FBXL17: variants seen among roughly 807,000 people sequenced by gnomAD.
FBXL17 encodes the protein F-box/LRR-repeat protein 17.
In FBXL17, 22 loss-of-function variants were observed where a neutral mutation model predicts 66.2. That is an observed-to-expected ratio of 0.33 (90% CI 0.24 to 0.47). The LOEUF (loss-of-function observed/expected upper bound fraction) is 0.47, where lower values mean the gene tolerates loss of function less well. Among genes scored for constraint, FBXL17 ranks in the 20% least tolerant of loss-of-function variants. The pLI is 1.00. For missense variants in FBXL17, 878 were observed against 948.2 expected (o/e 0.93, Z 0.97); for synonymous variants, 474 against 400.5 (o/e 1.18, Z -2.19).
chr5:108,126,659 A>C (rs200728031), intron 6 of FBXL17, among the ~76,000 whole-genome samples: 54,768 of 120,448 alleles, frequency 0.45, 12,218 homozygotes, highest in East Asian at 0.62. Flanking sequence ...CTCTATATAT[A>C]TATACATATA....
intron 4 of FBXL17, among the ~76,000 whole-genome samples, chr5:108,236,036 A>C (rs1289658373): frequency 6.6e-6 from 1 of 152,234 alleles, no homozygotes; most frequent in East Asian, 1.9e-4. Context: ...TTGATTCTTC[A>C]ATATGTCTGA....
intron 3 of FBXL17, among the ~76,000 whole-genome samples, chr5:108,356,181 A>C (rs1747974514): frequency 6.6e-6 from 1 of 152,300 alleles, no homozygotes; most frequent in South Asian, 2.1e-4. Flanking sequence ...ACTCCAAAAA[A>C]ACCTAGAAAT....
chr5:108,265,693 C>T (rs1325900094), intron 4 of FBXL17, among the ~76,000 whole-genome samples: 2 of 152,096 alleles, frequency 1.3e-5, no homozygotes, highest in Non-Finnish European at 2.9e-5. Flanking sequence ...AATATTTAAT[C>T]ATCTTCACAT....
intron 7 of FBXL17, among the ~76,000 whole-genome samples, chr5:108,004,824 T>C (rs763209856): frequency 3.3e-5 from 5 of 152,176 alleles, no homozygotes; most frequent in Admixed American, 1.3e-4. Context: ...GGGAAATACT[T>C]CTAGACAGAA....
intron 7 of FBXL17, among the ~76,000 whole-genome samples, chr5:107,892,118 T>C (rs1438175698): frequency 6.6e-6 from 1 of 152,096 alleles, no homozygotes; most frequent in Non-Finnish European, 1.5e-5. Context: ...TTGAATACTA[T>C]ACTGAAAGGA....
At chr5:108,151,323 C>G (rs1380213103) in intron 6 of FBXL17, among the ~76,000 whole-genome samples, 1 of 152,150 alleles carries the variant, frequency 6.6e-6, no homozygotes, top group East Asian at 1.9e-4. Context: ...TTGAGCCTAT[C>G]AGACTCATTG....
chr5:108,248,545 A>G (rs1198688558), intron 4 of FBXL17, among the ~76,000 whole-genome samples: 1 of 152,194 alleles, frequency 6.6e-6, no homozygotes, highest in Non-Finnish European at 1.5e-5. Flanking sequence ...TATTTAAAGA[A>G]AAAATGGAAG....
intron 5 of FBXL17, among the ~76,000 whole-genome samples, chr5:108,204,820 T>G (rs1366427450): frequency 6.6e-6 from 1 of 151,426 alleles, no homozygotes; most frequent in African/African-American, 2.4e-5. Context: ...AGTTTTTTAA[T>G]CATTATGGAA....
At chr5:108,335,798 A>G (rs963474102) in intron 4 of FBXL17, among the ~76,000 whole-genome samples, 2 of 152,194 alleles carry the variant, frequency 1.3e-5, no homozygotes, top group African/African-American at 4.8e-5. Flanking sequence ...TATTAGAAAA[A>G]TGTGATTGTT....
chr5:108,030,233 C>T (rs1461924840), intron 6 of FBXL17, among the ~76,000 whole-genome samples: 1 of 152,070 alleles, frequency 6.6e-6, no homozygotes, highest in Admixed American at 6.6e-5. Context: ...GATTAGTCAC[C>T]AGTCTATTCC....
intron 7 of FBXL17, among the ~76,000 whole-genome samples, chr5:108,016,281 G>C (rs1047656286): frequency 6.6e-6 from 1 of 152,158 alleles, no homozygotes; most frequent in African/African-American, 2.4e-5. Context: ...AGCCTCAGGA[G>C]AGCAGTCCAC....
intron 4 of FBXL17, among the ~76,000 whole-genome samples, chr5:108,348,150 C>T (rs1747398635): frequency 6.6e-6 from 1 of 152,066 alleles, no homozygotes; most frequent in Non-Finnish European, 1.5e-5. Flanking sequence ...GTTCACTGTC[C>T]ACATTTAGAA....
At chr5:108,130,056 TCATA>T (rs1385838581) in intron 6 of FBXL17, among the ~76,000 whole-genome samples, 6 of 151,864 alleles carry the variant, frequency 4.0e-5, no homozygotes, top group African/African-American at 1.4e-4. Flanking sequence ...GGAAGAATAA[TCATA>T]CATAAACTGC....
At chr5:108,344,336 G>C (rs1278524837) in intron 4 of FBXL17, among the ~76,000 whole-genome samples, 1 of 152,050 alleles carries the variant, frequency 6.6e-6, no homozygotes, top group African/African-American at 2.4e-5. Flanking sequence ...CTAAGAGACT[G>C]AAAAGTAAAC....
chr5:108,197,255 TA>T (rs1009421270), intron 5 of FBXL17, among the ~76,000 whole-genome samples: 4 of 152,110 alleles, frequency 2.6e-5, no homozygotes, highest in Non-Finnish European at 5.9e-5. Flanking sequence ...AATTAAAAAA[TA>T]AAATATTCAC....
chr5:108,136,926 C>G (rs138535681), intron 6 of FBXL17, among the ~76,000 whole-genome samples: 2 of 152,022 alleles, frequency 1.3e-5, no homozygotes, highest in African/African-American at 4.8e-5. Context: ...TACTTCAAAA[C>G]TATAACTTAA....
chr5:108,216,469 A>G (rs1754603051), intron 5 of FBXL17, among the ~76,000 whole-genome samples: 1 of 152,082 alleles, frequency 6.6e-6, no homozygotes, highest in South Asian at 2.1e-4. Flanking sequence ...TTTCATTTGC[A>G]GATTATTCAT....
At chr5:108,163,486 C>T (rs1427081937) in intron 6 of FBXL17, among the ~76,000 whole-genome samples, 1 of 150,242 alleles carries the variant, frequency 6.7e-6, no homozygotes, top group East Asian at 2.0e-4. Flanking sequence ...CTGCAAGCTC[C>T]GCCTCCCGGG....
chr5:108,020,887 A>G, intron 7 of FBXL17, 38 bp downstream of exon 7: 1 of 1,418,884 alleles, frequency 7.0e-7, no homozygotes, highest in Non-Finnish European at 9.9e-7. Context: ...GTAACTTTTT[A>G]TTCTTAGAAA....
Sources: allele counts gnomAD v4.1 joint callset (sites outside exome capture counted in the v4.1 genomes callset), GRCh38; gene constraint gnomAD v4.1.1; transcripts MANE v1.5; gene names NCBI Gene and HGNC (gene_info 2026-07-23, HGNC 2026-07-21).